PI4KA: variants seen among roughly 807,000 people sequenced by gnomAD.
PI4KA encodes PI4-kinase alpha.
Under a neutral mutation model 271.4 loss-of-function variants are expected in PI4KA, and 122 were observed. The observed-to-expected ratio is 0.45, with a 90% CI of 0.39 to 0.52. The LOEUF (loss-of-function observed/expected upper bound fraction) is 0.52. Among genes scored for constraint, PI4KA ranks in the 20% least tolerant of loss-of-function variants. The pLI is 0.00. For synonymous variants in PI4KA, 1,041 were observed against 1,078.8 expected (o/e 0.96, Z 0.69); for missense variants, 1,969 against 2,769.1 (o/e 0.71, Z 6.48).
Position 20,800,031 on chromosome 22 carries a change from A to G in PI4KA, c.1725-265T>C, listed in dbSNP as rs116572718. On this transcript the variant is annotated intron_variant, in intron 14 of 54. Coordinates refer to ENST00000255882, the MANE Select transcript of PI4KA (RefSeq NM_058004.4). ...GAATATCATGCTCACCCTAATTCCAATTTCAATCCCTTGTACTGTTTCTTA... is the reference window on the plus strand; with the variant it reads ...GAATATCATGCTCACCCTAATTCCAGTTTCAATCCCTTGTACTGTTTCTTA... Among the ~76,000 whole-genome samples the G allele has an allele frequency of 2.8e-3, 420 of 152,292 alleles. 1 individual carries two copies. Among genetic ancestry groups the G allele is most frequent in the African/African-American group, 9.1e-3 (379 of 41,562 alleles).
intron 32 of PI4KA, among the ~76,000 whole-genome samples, chr22:20,738,890 G>A (rs978561561): frequency 6.6e-6 from 1 of 152,044 alleles, no homozygotes; most frequent in Non-Finnish European, 1.5e-5. Context: ...TGAGTAGGAG[G>A]AGGAGCCACC....
chr22:20,746,203 C>T (rs1285141755), intron 29 of PI4KA, among the ~76,000 whole-genome samples: 1 of 151,606 alleles, frequency 6.6e-6, no homozygotes, highest in Admixed American at 6.6e-5. Context: ...GCTGGGACTA[C>T]AGGCGCCTGC....
At chr22:20,841,064 C>T (rs1418851819) in intron 1 of PI4KA, among the ~76,000 whole-genome samples, 1 of 152,088 alleles carries the variant, frequency 6.6e-6, no homozygotes, top group Non-Finnish European at 1.5e-5. Context: ...GTAAAGAAGC[C>T]AGCTAAAACC....
chr22:20,807,229 G>A, intron 10 of PI4KA, 133 bp downstream of exon 10: 1 of 613,034 alleles, frequency 1.6e-6, no homozygotes, highest in South Asian at 2.1e-5. Flanking sequence ...TCAGTAACAT[G>A]ACCACTTTGC....
intron 29 of PI4KA, 82 bp downstream of exon 29, chr22:20,747,501 G>A (rs1001889623): frequency 1.1e-4 from 166 of 1,481,576 alleles, no homozygotes; most frequent in South Asian, 6.4e-4. Flanking sequence ...CATGAAAAGC[G>A]ACAGCCGAGC....
chr22:20,811,285 G>A (rs891810529), intron 8 of PI4KA, among the ~76,000 whole-genome samples: 11 of 152,194 alleles, frequency 7.2e-5, no homozygotes, highest in African/African-American at 2.7e-4. Flanking sequence ...AACTCCCTCA[G>A]ATTTGTTGAC....
In PI4KA at chr22:20,718,527, C is replaced by T. The variant is rs538713175; in HGVS notation, c.5246+166G>A. Among the ~76,000 whole-genome samples, 148 of 152,336 alleles carry T rather than the reference C, an allele frequency of 9.7e-4. No individual in the cohort carries two copies. The highest frequency in any genetic ancestry group is 1.7e-3 in the Non-Finnish European group (118 of 68,036). On this transcript the variant is annotated intron_variant, in intron 44 of 54. Coordinates refer to ENST00000255882, the MANE Select transcript of PI4KA (RefSeq NM_058004.4). The stretch of plus-strand genomic sequence containing the variant: ...CTCACCCCAAGCAGTGCTTCCCCAC[C>T]CACCCTGGCTGTCCATCAGAACCAC...
At chr22:20,838,757 C>T in intron 1 of PI4KA, 26 bp from the exon 2 acceptor site, 1 of 1,345,220 alleles carries the variant, frequency 7.4e-7, no homozygotes. Context: ...CCCCCAAAAA[C>T]AGCTCTACAA....
chr22:20,761,597 A>G (rs140247610), intron 22 of PI4KA, among the ~76,000 whole-genome samples: 94 of 152,322 alleles, frequency 6.2e-4, no homozygotes, highest in Middle Eastern at 3.4e-3. Flanking sequence ...CCATTAGGAT[A>G]TATCTTCAGG....
Position 20,752,957 on chromosome 22 carries a change from A to G in PI4KA, c.2933T>C (p.Ile978Thr), listed in dbSNP as rs1228467422. ...TGCCACCCTCCTTATCCTCTTGTGG[A>G]TGTGGTTGAAGTTCACCAACAGGAA... ...AQFLLVNFNH[I>T]HKRIRRVADK... The change falls in exon 25 of 55, where the codon ATC (isoleucine) becomes ACC (threonine). Residue 978 changes from isoleucine to threonine, a missense_variant. By Grantham distance (89) the Ile-to-Thr change is moderately conservative (BLOSUM62 -1). Around this residue, in one of 13 missense-constraint regions of PI4KA, gnomAD observed 368 missense variants for 544.3 expected, o/e 0.68. Transcript: ENST00000255882. The G allele has an allele frequency of 3.1e-6, 5 of 1,614,156 alleles. No individual in the cohort carries two copies. The highest frequency in any genetic ancestry group is 4.2e-6 in the Non-Finnish European group (5 of 1,179,976).
intron 3 of PI4KA, among the ~76,000 whole-genome samples, chr22:20,827,804 C>T (rs2147732463): frequency 6.6e-6 from 1 of 151,830 alleles, no homozygotes; most frequent in East Asian, 1.9e-4. Flanking sequence ...TTTATCTTTT[C>T]TTTTTTTTGA....
intron 43 of PI4KA, among the ~76,000 whole-genome samples, chr22:20,721,068 C>T (rs1926678347): frequency 6.6e-6 from 1 of 152,180 alleles, no homozygotes; most frequent in African/African-American, 2.4e-5. Flanking sequence ...GTCTCACTCG[C>T]ACTTGGGAGT....
At chr22:20,828,589 T>C (rs1923750163) in intron 3 of PI4KA, among the ~76,000 whole-genome samples, 1 of 152,122 alleles carries the variant, frequency 6.6e-6, no homozygotes, top group South Asian at 2.1e-4. Flanking sequence ...AGAGTCTTGC[T>C]CTGTTGCCAG....
chr22:20,731,495 G>A (rs986041525), intron 36 of PI4KA, among the ~76,000 whole-genome samples: 14 of 150,990 alleles, frequency 9.3e-5, no homozygotes, highest in Non-Finnish European at 1.6e-4. Context: ...AGGCTGAGGC[G>A]GGCGGATCAG....
At chr22:20,801,840 T>G in intron 14 of PI4KA, 133 bp downstream of exon 14, 2 of 934,924 alleles carry the variant, frequency 2.1e-6, no homozygotes, top group Non-Finnish European at 3.2e-6. Flanking sequence ...GAGCCGAGAT[T>G]GTGCCACTGC....
In PI4KA at chr22:20,837,919, G is replaced by A. The variant is rs371503341; in HGVS notation, c.273+696C>T. 5.3e-5 allele frequency among the ~76,000 whole-genome samples: 8 copies of A among 152,020 alleles called. No individual in the cohort carries two copies. The East Asian group carries it at 1.5e-3, about 29-fold the overall frequency. On this transcript the variant is annotated intron_variant, in intron 2 of 54. Coordinates refer to ENST00000255882, the MANE Select transcript of PI4KA (RefSeq NM_058004.4). Reference sequence around the variant, plus strand: ...GGATTACCTGAGGTCAGGAGTTTGAGACCAGCCTGCCCAACATGGAGAAAC... The same window carrying A: ...GGATTACCTGAGGTCAGGAGTTTGAAACCAGCCTGCCCAACATGGAGAAAC...
At chr22:20,794,899 A>G (rs1225715624) in intron 18 of PI4KA, among the ~76,000 whole-genome samples, 1 of 152,210 alleles carries the variant, frequency 6.6e-6, no homozygotes, top group Non-Finnish European at 1.5e-5. Flanking sequence ...ACCACAGAAG[A>G]GTTGAGTTGA....
At chr22:20,814,850 T>C (rs1345105339) in intron 7 of PI4KA, among the ~76,000 whole-genome samples, 2 of 151,482 alleles carry the variant, frequency 1.3e-5, no homozygotes, top group African/African-American at 2.4e-5. Context: ...ATTCAGTCAT[T>C]TGACATTTAA....
At chr22:20,764,086 C>T (rs1932271786) in intron 22 of PI4KA, among the ~76,000 whole-genome samples, 1 of 152,188 alleles carries the variant, frequency 6.6e-6, no homozygotes, top group South Asian at 2.1e-4. Flanking sequence ...GCATCCCTCC[C>T]GACTTAAGCT....
Sources: allele counts gnomAD v4.1 joint callset (sites outside exome capture counted in the v4.1 genomes callset), GRCh38; gene constraint gnomAD v4.1.1; regional missense constraint gnomAD v4.1.1; transcripts MANE v1.5; gene names NCBI Gene and HGNC (gene_info 2026-07-23, HGNC 2026-07-21).